Variants in SH3TC2 observed in about 807,000 individuals in gnomAD.
SH3TC2 encodes the protein SH3 domain and tetratricopeptide repeat-containing protein 2.
Under a neutral mutation model 124.5 loss-of-function variants are expected in SH3TC2, and 87 were observed. That is an observed-to-expected ratio of 0.70 (90% confidence interval 0.59 to 0.84). SH3TC2 has a LOEUF of 0.84. SH3TC2 is among the 40% of genes least tolerant of loss of function. The pLI is 0.00. For synonymous variants in SH3TC2, 634 were observed against 628.5 expected (o/e 1.01, Z -0.13); for missense variants, 1,536 against 1,566.4 (o/e 0.98, Z 0.33).
At chr5:149,060,934 T>A (rs1754735919) in intron 1 of SH3TC2, among the ~76,000 whole-genome samples, 1 of 152,198 alleles carries the variant, frequency 6.6e-6, no homozygotes, top group South Asian at 2.1e-4. Flanking sequence ...AGGATGGGTC[T>A]CATACTTTGT....
chr5:148,993,353 T>C lies in SH3TC2; in HGVS notation c.*11358A>G, dbSNP rs1385849685. 6.6e-6 allele frequency among the ~76,000 whole-genome samples: 1 copy of C among 152,194 alleles called. No homozygotes were observed. The highest frequency in any genetic ancestry group is 1.5e-5 in the Non-Finnish European group (1 of 68,034). On this transcript the variant is annotated 3_prime_UTR_variant, in exon 17 of 17. Transcript: ENST00000515425. The stretch of plus-strand genomic sequence containing the variant: ...ATTATTGTCAATAAATTATAAGCCA[T>C]CATTGTAAAATTCCAAATGCAAAAG...
intron 9 of SH3TC2, among the ~76,000 whole-genome samples, chr5:149,030,594 T>A (rs1754173789): frequency 6.6e-6 from 1 of 152,252 alleles, no homozygotes; most frequent in Non-Finnish European, 1.5e-5. Context: ...ATGATCTGCT[T>A]GTGGCTTGTG....
At chr5:149,005,539 G>A (rs184038006) in intron 16 of SH3TC2, among the ~76,000 whole-genome samples, 3 of 152,244 alleles carry the variant, frequency 2.0e-5, no homozygotes, top group East Asian at 3.9e-4. Flanking sequence ...TGGAGTTCTT[G>A]GTTGACATGA....
chr5:149,023,411 ATATT>A (rs1336624447), intron 12 of SH3TC2, among the ~76,000 whole-genome samples: 1 of 152,080 alleles, frequency 6.6e-6, no homozygotes, highest in African/African-American at 2.4e-5. Flanking sequence ...TTAATATCTA[ATATT>A]TATTTAAGAT....
rs1003074202 is a variant in SH3TC2 at position 148,987,454 on chromosome 5, C to T, written c.*17257G>A. 2.6e-5 allele frequency among the ~76,000 whole-genome samples: 4 copies of T among 152,204 alleles called. No homozygotes were observed. Among genetic ancestry groups the T allele is most frequent in the African/African-American group, 9.7e-5 (4 of 41,450 alleles). On this transcript the variant is annotated 3_prime_UTR_variant, in exon 17 of 17. Coordinates refer to ENST00000515425, the MANE Select transcript of SH3TC2 (RefSeq NM_024577.4). ...GATAAGGTGTTGAAACTCTCCCAGG[C>T]CTTATTCATGAGAGATCAGGCTGAG...
At position 149,047,999 on chromosome 5, in the gene SH3TC2, A is replaced by G; in HGVS notation, c.152-10T>C. 6.2e-7 allele frequency: 1 copy of G among 1,613,952 alleles called. No individual in the cohort carries two copies. The highest frequency in any genetic ancestry group is 1.3e-5 in the African/African-American group (1 of 75,042). On this transcript the variant is annotated splice_polypyrimidine_tract_variant and intron_variant, in intron 2 of 16. Coordinates refer to ENST00000515425, the MANE Select transcript of SH3TC2 (RefSeq NM_024577.4). ...AAGGAGAGTGTCAGGTCTTAAAGAG[A>G]ACAGAGAGAGAAGGATCAGGCTGAA...
intron 1 of SH3TC2, among the ~76,000 whole-genome samples, chr5:149,055,544 T>C (rs755201277): frequency 6.6e-6 from 1 of 151,674 alleles, no homozygotes; most frequent in African/African-American, 2.4e-5. Context: ...ATAGAGCAAG[T>C]AGAATACCTA....
At chr5:149,037,470 T>C (rs748752787) in intron 8 of SH3TC2, among the ~76,000 whole-genome samples, 16 of 152,206 alleles carry the variant, frequency 1.1e-4, no homozygotes, top group Non-Finnish European at 1.8e-4. Context: ...TGCCCCTTGG[T>C]CTGCTCTCTT....
intron 8 of SH3TC2, chr5:149,036,092 C>G (rs1395693054): frequency 6.6e-6 from 1 of 152,154 alleles, no homozygotes; most frequent in African/African-American, 2.4e-5. Context: ...TCACGGCAAT[C>G]CTATTAGGCA....
intron 8 of SH3TC2, among the ~76,000 whole-genome samples, chr5:149,034,821 A>G (rs1294011065): frequency 6.6e-6 from 1 of 152,200 alleles, no homozygotes; most frequent in African/African-American, 2.4e-5. Flanking sequence ...CTCTGAAAAG[A>G]CAAGCAAAAT....
chr5:149,049,539 G>A (rs1303991545), intron 2 of SH3TC2, among the ~76,000 whole-genome samples: 1 of 152,192 alleles, frequency 6.6e-6, no homozygotes, highest in East Asian at 1.9e-4. Flanking sequence ...GGTCAAGGGA[G>A]GAGGAGCACT....
chr5:149,016,707 C>T (rs1319926814), intron 12 of SH3TC2, among the ~76,000 whole-genome samples: 7 of 151,976 alleles, frequency 4.6e-5, no homozygotes, highest in Admixed American at 1.3e-4. Context: ...GGGCGGATCA[C>T]GAGGTCAGGA....
chr5:149,058,936 G>A (rs1754698662), intron 1 of SH3TC2, among the ~76,000 whole-genome samples: 1 of 152,154 alleles, frequency 6.6e-6, no homozygotes, highest in Non-Finnish European at 1.5e-5. Context: ...TAGGCAGAGA[G>A]ACCAGCTGAA....
intron 12 of SH3TC2, among the ~76,000 whole-genome samples, chr5:149,023,143 A>G (rs1281956200): frequency 6.6e-6 from 1 of 152,188 alleles, no homozygotes; most frequent in African/African-American, 2.4e-5. Flanking sequence ...GAATACTTGT[A>G]AAGGCAACAA....
In SH3TC2 at chr5:149,041,343, G is replaced by A. The variant is rs552738332; in HGVS notation, c.731+73C>T. The stretch of plus-strand genomic sequence containing the variant: ...ACACTATGGATGCCCATATCTGAAA[G>A]CATGCCTACTCTGTTCTGTGCAAAC... On this transcript the variant is annotated intron_variant, in intron 6 of 16. Transcript: ENST00000515425. The A allele has an allele frequency of 4.5e-5, 68 of 1,505,096 alleles. No individual in the cohort carries two copies. The South Asian group carries it at 7.0e-4, about 16-fold the overall frequency. 93.2% of individuals were successfully genotyped at this position (1,505,096 alleles called of 1,614,324 possible). A position where few individuals can be genotyped will look rare whatever the true frequency, so the allele number is the denominator to read the frequency against.
intron 1 of SH3TC2, among the ~76,000 whole-genome samples, chr5:149,052,718 G>C (rs528945081): frequency 1.3e-5 from 2 of 152,168 alleles, no homozygotes; most frequent in Admixed American, 6.5e-5. Context: ...CCCTTAAATA[G>C]GGTCCTGTCA....
intron 6 of SH3TC2, 87 bp from the exon 7 acceptor site, chr5:149,040,764 A>G: frequency 9.0e-7 from 1 of 1,110,176 alleles, no homozygotes; most frequent in South Asian, 1.3e-5. Flanking sequence ...AATGATGATG[A>G]TGATGAGTAT....
rs369262851 is a variant in SH3TC2, at chr5:149,010,399, G to A, written c.3205-7C>T. ...GGGCTGTCTGGATGGCTGCCTAGGT[G>A]GGACAGAGACAGCTGTTAAAGGCAG... is the stretch of plus-strand genomic sequence containing the variant. On this transcript the variant is annotated splice_region_variant and splice_polypyrimidine_tract_variant and intron_variant, in intron 13 of 16. Transcript: ENST00000515425. The A allele has an allele frequency of 1.9e-5, 30 of 1,613,588 alleles. No individual in the cohort carries two copies. Among genetic ancestry groups the A allele is most frequent in the Non-Finnish European group, 2.5e-5 (30 of 1,180,008 alleles).
intron 15 of SH3TC2, chr5:149,007,323 C>T: frequency 1.6e-6 from 1 of 621,298 alleles, no homozygotes; most frequent in South Asian, 1.9e-5. Flanking sequence ...AAAGAAAATG[C>T]AGGGCTCTAT....
Sources: allele counts gnomAD v4.1 joint callset (sites outside exome capture counted in the v4.1 genomes callset), GRCh38; gene constraint gnomAD v4.1.1; transcripts MANE v1.5; gene names NCBI Gene and HGNC (gene_info 2026-07-23, HGNC 2026-07-21).